Variants in BTF3L4 observed in about 807,000 individuals in gnomAD.
BTF3L4 encodes the protein transcription factor BTF3 homolog 4.
BTF3L4 carries 6 observed loss-of-function variants against 16.8 expected under a neutral mutation model. That is an observed-to-expected ratio of 0.36 (90% CI 0.20 to 0.71). BTF3L4 has a LOEUF of 0.71. Ranked by LOEUF, BTF3L4 falls within the 30% of genes least tolerant of loss-of-function variation. The probability of loss-of-function intolerance (pLI) is 0.58; values close to 1 mark genes in which losing one functional copy is unlikely to be tolerated. For missense variants in BTF3L4, 92 were observed against 186.9 expected (o/e 0.49, Z 2.96); for synonymous variants, 39 against 59.8 (o/e 0.65, Z 1.60).
At chr1:52,061,533 A>T (rs553684153) in intron 2 of BTF3L4, among the ~76,000 whole-genome samples, 8 of 151,422 alleles carry the variant, frequency 5.3e-5, no homozygotes, top group Non-Finnish European at 8.9e-5. Context: ...TTCATGAGAT[A>T]GAGTAAAAAG....
chr1:52,066,536 T>TTGG, intron 3 of BTF3L4, among the ~76,000 whole-genome samples: 1 of 150,398 alleles, frequency 6.6e-6, no homozygotes, highest in East Asian at 2.0e-4. Flanking sequence ...AGTTTACGCT[T>TTGG]TTACTGCCAT....
chr1:52,059,758 A>C (rs1686462432), intron 1 of BTF3L4, 77 bp from the exon 2 acceptor site: 1 of 1,262,014 alleles, frequency 7.9e-7, no homozygotes, highest in African/African-American at 1.5e-5. Context: ...TCAGTGAACC[A>C]GAAGGTACTG....
At chr1:52,086,626 T>C in intron 5 of BTF3L4, 86 bp from the exon 6 acceptor site, 1 of 773,608 alleles carries the variant, frequency 1.3e-6, no homozygotes, top group Non-Finnish European at 2.1e-6. Context: ...ATTTTATTTT[T>C]TCGGGGGTTA....
intron 2 of BTF3L4, among the ~76,000 whole-genome samples, chr1:52,060,201 A>G (rs529705172): frequency 6.6e-6 from 1 of 152,358 alleles, no homozygotes; most frequent in South Asian, 2.1e-4. Flanking sequence ...CAAAATAGAA[A>G]TAATCCTACA....
At chr1:52,076,492 G>T (rs1686937283) in intron 3 of BTF3L4, among the ~76,000 whole-genome samples, 1 of 150,842 alleles carries the variant, frequency 6.6e-6, no homozygotes, top group Non-Finnish European at 1.5e-5. Flanking sequence ...CAGGAGAATC[G>T]CTTGAACCCG....
At chr1:52,078,604 A>G (rs543364215) in intron 3 of BTF3L4, among the ~76,000 whole-genome samples, 44 of 152,314 alleles carry the variant, frequency 2.9e-4, no homozygotes, top group African/African-American at 1.1e-3. Flanking sequence ...GAAGCATCTT[A>G]CCTCAATCTT....
chr1:52,069,016 T>C (rs1209987787), intron 3 of BTF3L4, among the ~76,000 whole-genome samples: 1 of 152,198 alleles, frequency 6.6e-6, no homozygotes, highest in Non-Finnish European at 1.5e-5. Context: ...TGCAATTTTT[T>C]TGAGTAGTTA....
chr1:52,061,526 A>G (rs1302895725), intron 2 of BTF3L4, among the ~76,000 whole-genome samples: 8 of 151,320 alleles, frequency 5.3e-5, no homozygotes, highest in Non-Finnish European at 8.8e-5. Flanking sequence ...AAGAGGGTTC[A>G]TGAGATAGAG....
At chr1:52,080,814 G>A (rs1358407782) in intron 3 of BTF3L4, among the ~76,000 whole-genome samples, 6 of 149,460 alleles carry the variant, frequency 4.0e-5, no homozygotes, top group South Asian at 2.1e-4. Flanking sequence ...GATAACAGGC[G>A]TGAGCCACTG....
chr1:52,075,235 T>G (rs938136557), intron 3 of BTF3L4, among the ~76,000 whole-genome samples: 1 of 152,004 alleles, frequency 6.6e-6, no homozygotes, highest in Non-Finnish European at 1.5e-5. Context: ...AAAAGAATCA[T>G]GTGATGAACT....
At chr1:52,079,381 C>CAAAAA (rs11441352) in intron 3 of BTF3L4, among the ~76,000 whole-genome samples, 3 of 126,322 alleles carry the variant, frequency 2.4e-5, no homozygotes, top group South Asian at 2.6e-4. Context: ...GACTCCATCT[C>CAAAAA]AAAAAAAAAA....
At chr1:52,072,536 G>A (rs1361710693) in intron 3 of BTF3L4, among the ~76,000 whole-genome samples, 1 of 152,026 alleles carries the variant, frequency 6.6e-6, no homozygotes, top group Non-Finnish European at 1.5e-5. Context: ...TTTATGGATT[G>A]CCTATTCTAG....
At chr1:52,073,689 CAAAAAAAAAAAAA>C (rs57529132) in intron 3 of BTF3L4, among the ~76,000 whole-genome samples, 4 of 67,632 alleles carry the variant, frequency 5.9e-5, no homozygotes, top group African/African-American at 2.1e-4. Context: ...GCTGTCTCTA[CAAAAAAAAAAAAA>C]AAAAAAAAAA....
chr1:52,083,786 G>A (rs1267718487), intron 4 of BTF3L4, among the ~76,000 whole-genome samples: 2 of 152,116 alleles, frequency 1.3e-5, no homozygotes, highest in Non-Finnish European at 2.9e-5. Context: ...TTGGGAGGCC[G>A]AGACGGGCAG....
At chr1:52,075,582 A>G (rs1686911142) in intron 3 of BTF3L4, among the ~76,000 whole-genome samples, 1 of 147,320 alleles carries the variant, frequency 6.8e-6, no homozygotes, top group African/African-American at 2.4e-5. Context: ...TAAAATATAT[A>G]TTATATATAA....
At position 52,086,980 on chromosome 1, in the gene BTF3L4, G is replaced by C; in HGVS notation, c.*222G>C. ...GGTCAAAATATGAAGTATTGGTGCA[G>C]TTTGAGGGTGTTTTGGTTTTTGATT... On this transcript the variant is annotated 3_prime_UTR_variant, in exon 6 of 6. Transcript: ENST00000313334. 2.4e-6 allele frequency: 1 copy of C among 412,114 alleles called. No individual in the cohort carries two copies. The highest frequency in any genetic ancestry group is 4.3e-6 in the Non-Finnish European group (1 of 229,960). The allele number at this position is 412,114 out of a possible 1,614,324, so 25.5% of individuals were successfully genotyped here.
At chr1:52,076,849 T>G (rs1686947405) in intron 3 of BTF3L4, among the ~76,000 whole-genome samples, 1 of 152,158 alleles carries the variant, frequency 6.6e-6, no homozygotes, top group Non-Finnish European at 1.5e-5. Context: ...TGCCTTATTC[T>G]TAAGAAGTCT....
chr1:52,067,765 C>T (rs1686691628), intron 3 of BTF3L4, among the ~76,000 whole-genome samples: 1 of 152,152 alleles, frequency 6.6e-6, no homozygotes, highest in Non-Finnish European at 1.5e-5. Context: ...CCTTCAACTC[C>T]TCTGCCCCCC....
chr1:52,074,969 C>G (rs1462923420), intron 3 of BTF3L4, among the ~76,000 whole-genome samples: 1 of 151,956 alleles, frequency 6.6e-6, no homozygotes, highest in Non-Finnish European at 1.5e-5. Context: ...GTTGCCCAGG[C>G]TGGTCTTGAA....
Sources: allele counts gnomAD v4.1 joint callset (sites outside exome capture counted in the v4.1 genomes callset), GRCh38; gene constraint gnomAD v4.1.1; transcripts MANE v1.5; gene names NCBI Gene and HGNC (gene_info 2026-07-23, HGNC 2026-07-21).